The following SPIDR variants were observed in gnomAD, a reference collection of about 807,000 sequenced individuals.
The protein encoded by SPIDR is scaffold protein involved in DNA repair.
A neutral mutation model predicts 104.6 loss-of-function variants in SPIDR; 93 were observed. The ratio of observed to expected loss-of-function variants is 0.89; its 90% confidence interval spans 0.75 to 1.06. SPIDR has a LOEUF of 1.06. SPIDR is among the 50% of genes least tolerant of loss of function. The pLI, the probability that SPIDR is intolerant of heterozygous loss-of-function variation, is 0.00. For missense variants in SPIDR, 1,154 were observed against 1,111.2 expected, an observed-to-expected ratio of 1.04 and a Z score of -0.55; for synonymous variants, 431 against 416.9, an observed-to-expected ratio of 1.03 and a Z score of -0.41.
At chr8:47,516,835 A>G (rs1380378106) in intron 8 of SPIDR, among the ~76,000 whole-genome samples, 1 of 152,134 alleles carries the variant, frequency 6.6e-6, no homozygotes, top group East Asian at 1.9e-4. Flanking sequence ...TTGACTTCTT[A>G]AGGAACTACC....
rs528607871 is a variant in SPIDR, at chr8:47,667,440, GAAAA to G, written c.1545-6339_1545-6336del. ...AGCAAGACCTCGTCTCTTCAAAAGG[GAAAA>G]AAAAAAAAAAAAAAAAAAAAAGCCA... On this transcript the variant is annotated intron_variant, in intron 10 of 19. Coordinates refer to ENST00000297423, the MANE Select transcript of SPIDR (RefSeq NM_001080394.4). Among the ~76,000 whole-genome samples the G allele has an allele frequency of 4.4e-3, 233 of 52,626 alleles. 1 individual carries two copies. The highest frequency in any genetic ancestry group is 6.3e-3 in the Non-Finnish European group (173 of 27,394). The allele number at this position is 52,626 out of a possible 152,430, so 34.5% of individuals were successfully genotyped here.
intron 8 of SPIDR, among the ~76,000 whole-genome samples, chr8:47,538,774 TGAATA>T (rs2087460599): frequency 6.6e-6 from 1 of 151,996 alleles, no homozygotes; most frequent in Admixed American, 6.6e-5. Context: ...TTTCTCTTTA[TGAATA>T]GATTTATTTG....
intron 8 of SPIDR, among the ~76,000 whole-genome samples, chr8:47,542,127 G>A (rs941978689): frequency 6.6e-6 from 1 of 151,340 alleles, no homozygotes; most frequent in Non-Finnish European, 1.5e-5. Flanking sequence ...AGTTAATTAA[G>A]GAAGAAGATT....
At position 47,598,555 on chromosome 8, in the gene SPIDR, G is replaced by T. The variant is rs1001022726; in HGVS notation, c.1294-391G>T. On this transcript the variant is annotated intron_variant, in intron 9 of 19. Transcript: ENST00000297423. ...AAGAACTTAATAAAATGAAGCATTT[G>T]TATTATCCCTAGTCATTCTTTTATC... 5.9e-5 allele frequency among the ~76,000 whole-genome samples: 9 copies of T among 152,174 alleles called. No homozygotes were observed. In the South Asian group the frequency reaches 8.3e-4, roughly 14 times the overall value.
chr8:47,289,297 G>T (rs2039465908), intron 3 of SPIDR, among the ~76,000 whole-genome samples: 1 of 151,980 alleles, frequency 6.6e-6, no homozygotes, highest in Admixed American at 6.5e-5. Context: ...TGAAGCCTAG[G>T]TTTATTTTTT....
chr8:47,528,509 T>A (rs924049820), intron 8 of SPIDR, among the ~76,000 whole-genome samples: 2 of 151,910 alleles, frequency 1.3e-5, no homozygotes, highest in Non-Finnish European at 2.9e-5. Flanking sequence ...CAGACTAGGA[T>A]TTTTTTTAAT....
intron 8 of SPIDR, among the ~76,000 whole-genome samples, chr8:47,515,872 G>C (rs918848524): frequency 2.0e-5 from 3 of 152,172 alleles, no homozygotes; most frequent in African/African-American, 7.2e-5. Context: ...GTGCAGTGGT[G>C]TGATCTTGGC....
rs1467186881 is a variant in SPIDR at position 47,411,376 on chromosome 8, A to C, written c.877+3415A>C. On this transcript the variant is annotated intron_variant, in intron 7 of 19. Coordinates refer to ENST00000297423, the MANE Select transcript of SPIDR (RefSeq NM_001080394.4). ...TCTAACTGGTGTGACATGGTATCTC[A>C]TTGTGGTTTCGATTTGCATTTCTCT... 6.6e-5 allele frequency among the ~76,000 whole-genome samples: 10 copies of C among 152,168 alleles called. No homozygotes were observed. The East Asian group carries it at 1.9e-3, about 29-fold the overall frequency.
intron 8 of SPIDR, among the ~76,000 whole-genome samples, chr8:47,446,098 A>G (rs2070538568): frequency 6.6e-6 from 1 of 152,230 alleles, no homozygotes; most frequent in Non-Finnish European, 1.5e-5. Flanking sequence ...AAACAGCCTT[A>G]TATTTGAAGA....
intron 8 of SPIDR, among the ~76,000 whole-genome samples, chr8:47,594,689 T>A (rs2061449614): frequency 6.6e-6 from 1 of 151,850 alleles, no homozygotes; most frequent in Non-Finnish European, 1.5e-5. Flanking sequence ...ACCTGAGATA[T>A]AAGAGGCAAA....
chr8:47,423,041 C>T (rs1366306349), intron 7 of SPIDR, among the ~76,000 whole-genome samples: 1 of 152,152 alleles, frequency 6.6e-6, no homozygotes, highest in Non-Finnish European at 1.5e-5. Context: ...TGTGGTGTCT[C>T]ATGCTTATAA....
intron 8 of SPIDR, among the ~76,000 whole-genome samples, chr8:47,588,178 A>G (rs1440079486): frequency 6.8e-6 from 1 of 147,554 alleles, no homozygotes. Context: ...TGATTTTGGC[A>G]TCTTTATGAT....
At chr8:47,480,993 A>G (rs782483623) in intron 8 of SPIDR, among the ~76,000 whole-genome samples, 6 of 152,262 alleles carry the variant, frequency 3.9e-5, no homozygotes, top group Non-Finnish European at 7.3e-5. Context: ...TTAGTTCAAG[A>G]TAATTGGCAA....
chr8:47,563,739 A>G (rs2057383015), intron 8 of SPIDR, among the ~76,000 whole-genome samples: 1 of 152,168 alleles, frequency 6.6e-6, no homozygotes, highest in South Asian at 2.1e-4. Flanking sequence ...GGTGATCTAA[A>G]TTTTATTCTA....
chr8:47,394,055 T>C (rs113797578), intron 5 of SPIDR, among the ~76,000 whole-genome samples: 6,111 of 152,114 alleles, frequency 0.04, 365 homozygotes, highest in African/African-American at 0.13. Context: ...TACAGGTGTG[T>C]GCCACCACAC....
chr8:47,715,964 CTTTTTTTTTTT>C (rs965625857), intron 16 of SPIDR, among the ~76,000 whole-genome samples: 1 of 127,096 alleles, frequency 7.9e-6, no homozygotes, highest in East Asian at 2.2e-4. Context: ...TCTCTTTTTT[CTTTTTTTTTTT>C]TTTTTTTTGG....
chr8:47,603,661 G>C (rs922175089), intron 10 of SPIDR, among the ~76,000 whole-genome samples: 1 of 151,398 alleles, frequency 6.6e-6, no homozygotes, highest in African/African-American at 2.4e-5. Flanking sequence ...GCTTTCCAAA[G>C]TACTAGGACT....
intron 3 of SPIDR, among the ~76,000 whole-genome samples, chr8:47,290,686 T>C (rs1439577270): frequency 6.6e-6 from 1 of 152,252 alleles, no homozygotes; most frequent in South Asian, 2.1e-4. Flanking sequence ...TTTTGCATTT[T>C]AAAAAATTTT....
chr8:47,666,614 C>G (rs2074969111), intron 10 of SPIDR, among the ~76,000 whole-genome samples: 1 of 152,210 alleles, frequency 6.6e-6, no homozygotes, highest in East Asian at 1.9e-4. Flanking sequence ...ATAATAATAG[C>G]CTAGCTCCTA....
Sources: allele counts gnomAD v4.1 joint callset (sites outside exome capture counted in the v4.1 genomes callset), GRCh38; gene constraint gnomAD v4.1.1; transcripts MANE v1.5; gene names NCBI Gene and HGNC (gene_info 2026-07-23, HGNC 2026-07-21).